Variants in IKZF4 observed in about 807,000 individuals in gnomAD.
IKZF4 encodes the protein zinc finger protein Eos.
IKZF4 carries 11 observed loss-of-function variants against 47.7 expected under a neutral mutation model. The observed-to-expected ratio is 0.23, with a 90% confidence interval of 0.15 to 0.38. The LOEUF (loss-of-function observed/expected upper bound fraction) is 0.38. Ranked by LOEUF, IKZF4 falls within the 10% of genes least tolerant of loss-of-function variation. The probability of loss-of-function intolerance (pLI) is 1.00; values close to 1 mark genes in which losing one functional copy is unlikely to be tolerated. For missense variants in IKZF4, 557 were observed against 784.9 expected (o/e 0.71, Z 3.47); for synonymous variants, 298 against 299.4 (o/e 1.00, Z 0.05).
At chr12:56,029,031 C>T (rs1257773683) in intron 5 of IKZF4, among the ~76,000 whole-genome samples, 1 of 152,194 alleles carries the variant, frequency 6.6e-6, no homozygotes, top group African/African-American at 2.4e-5. Context: ...TCCCACACCA[C>T]CAGAGGTCTT....
Position 56,021,621 on chromosome 12 carries a change from G to T in IKZF4, c.87+41G>T, listed in dbSNP as rs368997568. On this transcript the variant is annotated intron_variant, in intron 1 of 7. Transcript: ENST00000547167. ...AGGCGGCTAGTGGAGGGAGGAAGGG[G>T]GGTGCTGGGGCTAGGGAGCCAATTC... 2.5e-4 allele frequency: 388 copies of T among 1,568,336 alleles called. 1 individual carries two copies. The highest frequency in any genetic ancestry group is 6.3e-4 in the Admixed American group (33 of 52,110).
At chr12:56,012,035 C>T (rs1891379549) in intron 2 of IKZF4, among the ~76,000 whole-genome samples, 1 of 152,098 alleles carries the variant, frequency 6.6e-6, no homozygotes, top group Admixed American at 6.5e-5. Context: ...CTGAATGGCT[C>T]ATACCCAAGG....
At chr12:56,033,821 G>T (rs1329195021) in intron 7 of IKZF4, among the ~76,000 whole-genome samples, 1 of 152,190 alleles carries the variant, frequency 6.6e-6, no homozygotes, top group Non-Finnish European at 1.5e-5. Context: ...CTCAAAGAGA[G>T]TGGAGAAGGG....
chr12:56,020,928 C>A (rs1892796848), upstream of IKZF4: 5 of 998,956 alleles, frequency 5.0e-6, no homozygotes, highest in Admixed American at 1.2e-4. Flanking sequence ...TCCTGGGCCC[C>A]ATGACCTCTG....
intron 3 of IKZF4, among the ~76,000 whole-genome samples, chr12:56,026,506 A>G (rs1015190401): frequency 6.6e-6 from 1 of 151,874 alleles, no homozygotes; most frequent in Non-Finnish European, 1.5e-5. Flanking sequence ...CCTGACCAAC[A>G]TGGAGAAACC....
chr12:56,014,213 GCAGCTAAGTA>G (rs1467861408), intron 2 of IKZF4, among the ~76,000 whole-genome samples: 3 of 152,198 alleles, frequency 2.0e-5, no homozygotes, highest in Middle Eastern at 3.4e-3. Flanking sequence ...CCAGCTGGAG[GCAGCTAAGTA>G]CAGCTAAGTA....
intron 2 of IKZF4, among the ~76,000 whole-genome samples, chr12:56,012,896 A>T (rs1891511188): frequency 6.6e-6 from 1 of 152,122 alleles, no homozygotes; most frequent in Non-Finnish European, 1.5e-5. Flanking sequence ...AGGAAGGAGG[A>T]TTGCTTGAGG....
chr12:56,026,080 C>G (rs1000101620), intron 3 of IKZF4, among the ~76,000 whole-genome samples: 4 of 152,136 alleles, frequency 2.6e-5, no homozygotes, highest in Admixed American at 1.3e-4. Flanking sequence ...GGATTACAGG[C>G]GTACACCACC....
rs576995228 is a variant in IKZF4 at position 56,037,354 on chromosome 12, T to C, written c.*2023T>C. The C allele has an allele frequency of 2.6e-5, 4 of 152,714 alleles. No homozygotes were observed. The highest frequency in any genetic ancestry group is 9.6e-5 in the African/African-American group (4 of 41,554). The allele number at this position is 152,714 out of a possible 1,614,324, so 9.5% of individuals were successfully genotyped here. On this transcript the variant is annotated 3_prime_UTR_variant, in exon 8 of 8. Transcript: ENST00000547167. ...GAGGTTAGCTCAGAGCAGAGTAGTC[T>C]CTAGAGAAAGGAAGAATCCTCAACG...
At position 56,034,585 on chromosome 12, in the gene IKZF4, C is replaced by A. The variant is rs775496873; in HGVS notation, c.1012C>A (p.Arg338Ser). The A allele has an allele frequency of 6.2e-7, 1 of 1,607,226 alleles. No homozygotes were observed. Among genetic ancestry groups the A allele is most frequent in the South Asian group, 1.1e-5 (1 of 90,414 alleles). Reference sequence around the variant, plus strand: ...GTTCTCCACAGGCGAAAAGCAGATGCGCTTCAGCCTCTCAGACCTCCCCTA... The same window carrying A: ...GTTCTCCACAGGCGAAAAGCAGATGAGCTTCAGCCTCTCAGACCTCCCCTA... ...PQKFVGEKQM[R>S]FSLSDLPYDV... Residue 338 changes from arginine (R) to serine (S), a missense_variant, in exon 8 of 8, where the codon CGC becomes AGC. Arg to Ser is a moderately radical substitution (Grantham distance 110). This residue lies in a region of IKZF4 where 280 missense variants were observed against 314.0 expected (regional missense o/e 0.89). Coordinates refer to ENST00000547167, the MANE Select transcript of IKZF4 (RefSeq NM_022465.4).
intron 1 of IKZF4, 48 bp downstream of exon 1, chr12:56,021,628 G>C: frequency 1.3e-6 from 2 of 1,563,496 alleles, no homozygotes; most frequent in Non-Finnish European, 1.7e-6. Flanking sequence ...GGGGGGTGCT[G>C]GGGCTAGGGA....
chr12:56,011,034 A>G (rs1891267851), intron 1 of IKZF4: 1 of 152,178 alleles, frequency 6.6e-6, no homozygotes, highest in Non-Finnish European at 1.5e-5. Context: ...TTGCTACTGT[A>G]CCCTAGTCAG....
intron 2 of IKZF4, among the ~76,000 whole-genome samples, chr12:56,011,939 C>A (rs971003132): frequency 3.9e-5 from 6 of 152,064 alleles, no homozygotes; most frequent in Non-Finnish European, 7.4e-5. Context: ...TATGTGATTT[C>A]AACATATTTT....
At chr12:56,026,420 T>G (rs1894003533) in intron 3 of IKZF4, among the ~76,000 whole-genome samples, 1 of 151,064 alleles carries the variant, frequency 6.6e-6, no homozygotes, top group African/African-American at 2.4e-5. Flanking sequence ...CCAGGCGCAG[T>G]GGCTCACACC....
In IKZF4 at chr12:56,021,102, G is replaced by A; in HGVS notation, c.-392G>A. ...TTCCTCTTTGTCTGCTGGGCACGAG[G>A]GGCAACAGCATCTGCCTTTCCCTCC... On this transcript the variant is annotated 5_prime_UTR_variant, in exon 1 of 8. Transcript: ENST00000547167. 7.3e-7 allele frequency: 1 copy of A among 1,368,830 alleles called. No homozygotes were observed. The highest frequency in any genetic ancestry group is 9.4e-7 in the Non-Finnish European group (1 of 1,061,986). 84.8% of individuals were successfully genotyped at this position (1,368,830 alleles called of 1,614,324 possible).
At chr12:56,034,142 C>T (rs933592853) in intron 7 of IKZF4, among the ~76,000 whole-genome samples, 9 of 152,110 alleles carry the variant, frequency 5.9e-5, no homozygotes, top group Non-Finnish European at 1.5e-5. Context: ...ACCTCATGAT[C>T]TGCCCGCCTC....
At chr12:56,025,841 C>G (rs1292521087) in intron 3 of IKZF4, among the ~76,000 whole-genome samples, 2 of 152,162 alleles carry the variant, frequency 1.3e-5, no homozygotes, top group Non-Finnish European at 2.9e-5. Flanking sequence ...CTGCCCAGGG[C>G]CAAGCCAGAC....
rs766268164 is a variant in IKZF4, at chr12:56,037,828, C to T, written c.*2497C>T. On this transcript the variant is annotated 3_prime_UTR_variant, in exon 8 of 8. Transcript: ENST00000547167. Reference sequence around the variant, plus strand: ...ACATCCTCATGCTCTCTCCCAGCTCCTTTTGCATAAAAAAAAAAGTAAAGA... The same window carrying T: ...ACATCCTCATGCTCTCTCCCAGCTCTTTTTGCATAAAAAAAAAAGTAAAGA... 3 of 151,892 alleles carry T rather than the reference C, an allele frequency of 2.0e-5. No homozygotes were observed. Among genetic ancestry groups the T allele is most frequent in the Non-Finnish European group, 4.4e-5 (3 of 67,932 alleles). 9.4% of individuals were successfully genotyped at this position (151,892 alleles called of 1,614,324 possible).
chr12:56,021,633 T>A (rs1892998682), intron 1 of IKZF4, 53 bp downstream of exon 1: 1 of 1,548,216 alleles, frequency 6.5e-7, no homozygotes, highest in African/African-American at 1.4e-5. Flanking sequence ...GTGCTGGGGC[T>A]AGGGAGCCAA....
Sources: gnomAD v4.1 joint callset for allele counts (sites outside exome capture counted in the v4.1 genomes callset) on GRCh38, gnomAD v4.1.1 for gene constraint, gnomAD v4.1.1 regional missense constraint, MANE v1.5 for transcripts, NCBI Gene and HGNC (gene_info 2026-07-23, HGNC 2026-07-21) for gene names.